CTNNA2: variants seen among roughly 807,000 people sequenced by gnomAD.
CTNNA2 encodes the protein catenin alpha 2.
CTNNA2 carries 42 observed loss-of-function variants against 101.0 expected under a neutral mutation model. The ratio of observed to expected loss-of-function variants is 0.42; its 90% CI spans 0.32 to 0.54. The LOEUF (loss-of-function observed/expected upper bound fraction) is 0.54. Among genes scored for constraint, CTNNA2 ranks in the 20% least tolerant of loss-of-function variants. The probability of loss-of-function intolerance (pLI) is 0.14; values close to 1 mark genes in which losing one functional copy is unlikely to be tolerated. For missense variants in CTNNA2, 871 were observed against 1,223.1 expected (o/e 0.71, Z 4.29); for synonymous variants, 450 against 456.4 (o/e 0.99, Z 0.18).
chr2:80,483,325 G>A (rs915152900), intron 9 of CTNNA2, among the ~76,000 whole-genome samples: 2 of 149,758 alleles, frequency 1.3e-5, no homozygotes, highest in African/African-American at 4.9e-5. Context: ...TTAATCAGAT[G>A]ATTTGCAGTC....
At chr2:79,360,797 C>T (rs959969292) in intron 3 of CTNNA2, among the ~76,000 whole-genome samples, 1 of 152,144 alleles carries the variant, frequency 6.6e-6, no homozygotes, top group Non-Finnish European at 1.5e-5. Context: ...GTCTTTTTCT[C>T]TCTGGATATT....
At chr2:79,708,977 T>A (rs1222788853) in intron 2 of CTNNA2, among the ~76,000 whole-genome samples, 1 of 152,216 alleles carries the variant, frequency 6.6e-6, no homozygotes. Flanking sequence ...AGGAGAGTCC[T>A]TGATACTCTT....
intron 7 of CTNNA2, among the ~76,000 whole-genome samples, chr2:79,957,057 CT>C (rs1046704087): frequency 1.3e-5 from 2 of 151,610 alleles, no homozygotes; most frequent in African/African-American, 4.8e-5. Flanking sequence ...TCTTCTGTAA[CT>C]TCAGTGATAG....
intron 7 of CTNNA2, among the ~76,000 whole-genome samples, chr2:80,118,852 A>T (rs1701672756): frequency 6.6e-6 from 1 of 152,238 alleles, no homozygotes; most frequent in Non-Finnish European, 1.5e-5. Context: ...TCCAGGCCTG[A>T]TGTGAGTGCA....
intron 7 of CTNNA2, among the ~76,000 whole-genome samples, chr2:80,155,023 A>C (rs1703925349): frequency 6.6e-6 from 1 of 152,146 alleles, no homozygotes; most frequent in Non-Finnish European, 1.5e-5. Context: ...AAACAAAACA[A>C]AAGAACGACT....
chr2:80,515,210 C>T (rs960979584), intron 9 of CTNNA2, among the ~76,000 whole-genome samples: 14 of 149,754 alleles, frequency 9.3e-5, no homozygotes, highest in Admixed American at 3.3e-4. Flanking sequence ...TCATGAGTTT[C>T]AAATAGGATT....
intron 7 of CTNNA2, among the ~76,000 whole-genome samples, chr2:79,996,581 A>G (rs1281019033): frequency 1.3e-5 from 2 of 152,198 alleles, no homozygotes; most frequent in Non-Finnish European, 2.9e-5. Flanking sequence ...TGGACAGAAG[A>G]TGATCCTTTT....
chr2:79,971,787 A>C (rs2104572786), intron 7 of CTNNA2, among the ~76,000 whole-genome samples: 1 of 152,238 alleles, frequency 6.6e-6, no homozygotes, highest in Non-Finnish European at 1.5e-5. Flanking sequence ...TTTGCTCCTA[A>C]GTCTGCCCCT....
At chr2:79,809,878 G>A (rs1218310998) in intron 3 of CTNNA2, among the ~76,000 whole-genome samples, 1 of 152,108 alleles carries the variant, frequency 6.6e-6, no homozygotes, top group Admixed American at 6.5e-5. Flanking sequence ...GTCCTGAATG[G>A]TATGGCCTAG....
At chr2:79,342,380 C>G (rs78163691) in intron 3 of CTNNA2, among the ~76,000 whole-genome samples, 3,794 of 152,252 alleles carry the variant, frequency 0.025, 160 homozygotes, top group African/African-American at 0.087. Flanking sequence ...AGAAGATTGC[C>G]TGATAGAGTA....
intron 9 of CTNNA2, among the ~76,000 whole-genome samples, chr2:80,434,317 A>G (rs1238615611): frequency 6.6e-6 from 1 of 152,202 alleles, no homozygotes; most frequent in Admixed American, 6.5e-5. Flanking sequence ...GTTTTGTTCA[A>G]AAACATGTAT....
chr2:79,263,731 G>A (rs1319473167), intron 2 of CTNNA2, among the ~76,000 whole-genome samples: 1 of 152,050 alleles, frequency 6.6e-6, no homozygotes, highest in Non-Finnish European at 1.5e-5. Flanking sequence ...AGGGAGCTCG[G>A]CTCCTTCTTG....
chr2:80,010,717 T>G (rs1399370093), intron 7 of CTNNA2, among the ~76,000 whole-genome samples: 2 of 32,444 alleles, frequency 6.2e-5, no homozygotes, highest in Non-Finnish European at 2.5e-4. Flanking sequence ...TGCCATTCAC[T>G]TTTTTTTTTT....
chr2:80,524,809 A>G (rs1167974692), intron 9 of CTNNA2, among the ~76,000 whole-genome samples: 1 of 151,786 alleles, frequency 6.6e-6, no homozygotes, highest in African/African-American at 2.4e-5. Context: ...CTCTCCACCC[A>G]CTTGGTGGTC....
intron 15 of CTNNA2, among the ~76,000 whole-genome samples, chr2:80,592,199 A>G (rs1447204441): frequency 3.3e-5 from 5 of 152,186 alleles, no homozygotes; most frequent in Admixed American, 2.6e-4. Flanking sequence ...ACTAGACTCA[A>G]AAATCATATA....
At chr2:80,155,979 T>G (rs1703978243) in intron 7 of CTNNA2, among the ~76,000 whole-genome samples, 1 of 152,212 alleles carries the variant, frequency 6.6e-6, no homozygotes, top group Non-Finnish European at 1.5e-5. Flanking sequence ...GATATTAGCA[T>G]GCATATGAAT....
chr2:79,384,690 C>A (rs1191960556), intron 4 of CTNNA2, among the ~76,000 whole-genome samples: 3 of 152,144 alleles, frequency 2.0e-5, no homozygotes, highest in Admixed American at 2.0e-4. Context: ...CCTTCACTTG[C>A]TCTGCACTCT....
intron 15 of CTNNA2, among the ~76,000 whole-genome samples, chr2:80,597,212 G>GATT (rs1697061218): frequency 6.6e-6 from 1 of 152,150 alleles, no homozygotes; most frequent in African/African-American, 2.4e-5. Context: ...ATGTGGAAAG[G>GATT]ATTCCCTATT....
chr2:79,682,553 C>T (rs570709424), intron 2 of CTNNA2, among the ~76,000 whole-genome samples: 3 of 151,896 alleles, frequency 2.0e-5, no homozygotes, highest in South Asian at 2.1e-4. Context: ...CAAATATGCT[C>T]ATAAAACCCC....
Sources: allele counts gnomAD v4.1 joint callset (sites outside exome capture counted in the v4.1 genomes callset), GRCh38; gene constraint gnomAD v4.1.1; transcripts MANE v1.5; gene names NCBI Gene and HGNC (gene_info 2026-07-23, HGNC 2026-07-21).